The following P2RX5 variants were observed in gnomAD, a reference collection of about 807,000 sequenced individuals.
P2RX5 encodes P2X purinoceptor 5.
In P2RX5, 46 loss-of-function variants were observed where a neutral mutation model predicts 54.1. The ratio of observed to expected loss-of-function variants is 0.85; its 90% CI spans 0.67 to 1.09. The LOEUF (loss-of-function observed/expected upper bound fraction) is 1.09. Ranked by LOEUF, P2RX5 falls within the 50% of genes least tolerant of loss-of-function variation. The pLI, the probability that P2RX5 is intolerant of heterozygous loss-of-function variation, is 0.00. For missense variants in P2RX5, 566 were observed against 549.8 expected (o/e 1.03, Z -0.29); for synonymous variants, 226 against 226.4 (o/e 1.00, Z 0.02).
In P2RX5 at chr17:3,677,098, G is replaced by A. The variant is rs558827737; in HGVS notation, c.1259+2492C>T. 833 of 985,346 alleles carry A rather than the reference G, an allele frequency of 8.5e-4. 1 individual carries two copies. The highest frequency in any genetic ancestry group is 9.6e-4 in the Non-Finnish European group (798 of 829,898). 61.0% of individuals were successfully genotyped at this position (985,346 alleles called of 1,614,324 possible). A position where few individuals can be genotyped will look rare whatever the true frequency, so the allele number is the denominator to read the frequency against. ...TAAATAAAAAGCAAGGCCCTACAGC[G>A]ATGGAGGCAGAGAGCAGCTGAGGGT... On this transcript the variant is annotated intron_variant, in intron 11 of 11. Transcript: ENST00000225328.
At chr17:3,690,187 C>T (rs767968164) in intron 5 of P2RX5, 37 bp from the exon 6 acceptor site, 4 of 1,573,840 alleles carry the variant, frequency 2.5e-6, no homozygotes, top group Non-Finnish European at 8.7e-7. Flanking sequence ...CCAGGAGGCC[C>T]CACCCCTGTG....
At chr17:3,706,965 G>C in the P2RX5 span, among the ~76,000 whole-genome samples, 1 of 152,172 alleles carries the variant, frequency 6.6e-6, no homozygotes, top group Non-Finnish European at 1.5e-5. Flanking sequence ...GCTACCGCAG[G>C]TATCTCAAAA....
At chr17:3,705,682 G>A in the P2RX5 span, among the ~76,000 whole-genome samples, 1 of 152,190 alleles carries the variant, frequency 6.6e-6, no homozygotes, top group Non-Finnish European at 1.5e-5. Flanking sequence ...CTTGTAGAAT[G>A]ATGAACAAAG....
Position 3,673,547 on chromosome 17 carries a change from G to A in P2RX5, c.*321C>T, listed in dbSNP as rs1276096472. ...ACAGGGCACTGCGGTCCTTAGCTGA[G>A]GTGCTCAAGGACTCCGGAAGGAAGT... is the stretch of plus-strand genomic sequence containing the variant. On this transcript the variant is annotated 3_prime_UTR_variant, in exon 12 of 12. Transcript: ENST00000225328. The A allele has an allele frequency of 7.6e-6, 10 of 1,323,924 alleles. No homozygotes were observed. The highest frequency in any genetic ancestry group is 9.7e-6 in the Non-Finnish European group (10 of 1,030,208). The allele number at this position is 1,323,924 out of a possible 1,614,324, so 82.0% of individuals were successfully genotyped here. A position where few individuals can be genotyped will look rare whatever the true frequency, so the allele number is the denominator to read the frequency against.
chr17:3,697,829 C>T (rs1358409665), upstream of P2RX5, among the ~76,000 whole-genome samples: 1 of 152,068 alleles, frequency 6.6e-6, no homozygotes, highest in African/African-American at 2.4e-5. Flanking sequence ...CCAGTCCCAG[C>T]CCAGCCACTT....
intron 11 of P2RX5, chr17:3,675,317 G>A: frequency 1.0e-6 from 1 of 981,260 alleles, no homozygotes. Flanking sequence ...TAGGATTACA[G>A]GCGTGAGCCA....
chr17:3,697,007 C>T (rs114681847), upstream of P2RX5, among the ~76,000 whole-genome samples: 1,903 of 152,178 alleles, frequency 0.013, 23 homozygotes, highest in African/African-American at 0.023. Flanking sequence ...GTGTCTGCTG[C>T]GACTAATGCG....
chr17:3,712,547 G>A, the P2RX5 span, among the ~76,000 whole-genome samples: 2 of 152,196 alleles, frequency 1.3e-5, no homozygotes, highest in African/African-American at 4.8e-5. Flanking sequence ...AAAGAAGTAA[G>A]GGTAGCCAAA....
chr17:3,681,778 G>A (rs2050290320), intron 10 of P2RX5, 118 bp downstream of exon 10: 5 of 749,978 alleles, frequency 6.7e-6, no homozygotes, highest in South Asian at 5.7e-5. Flanking sequence ...TCCTCCCCGG[G>A]CCCTCCAGCC....
Position 3,689,530 on chromosome 17 carries a change from G to T in P2RX5, c.715C>A (p.Arg239Ser). ...CPIFRLGSVI[R>S]WAGSDFQDIA... is the part of the protein sequence containing the mutation. Reference sequence around the variant, plus strand: ...TCCTGGAAGTCGCTCCCGGCCCAGCGGATCACGGAGCCCAGTCGGAAGATG... The same window carrying T: ...TCCTGGAAGTCGCTCCCGGCCCAGCTGATCACGGAGCCCAGTCGGAAGATG... Residue 239 changes from arginine (R) to serine (S), a missense_variant, in exon 7 of 12, where the codon CGC becomes AGC. Physicochemically the swap from Arg to Ser is moderately radical, Grantham distance 110 (BLOSUM62 -1). Transcript: ENST00000225328. 1 of 1,614,186 alleles carries T rather than the reference G, an allele frequency of 6.2e-7. No homozygotes were observed. Among genetic ancestry groups the T allele is most frequent in the Non-Finnish European group, 8.5e-7 (1 of 1,180,028 alleles).
chr17:3,693,851 T>G (rs1165173678), intron 1 of P2RX5, among the ~76,000 whole-genome samples: 1 of 151,632 alleles, frequency 6.6e-6, no homozygotes, highest in Non-Finnish European at 1.5e-5. Flanking sequence ...TTTGAGACAG[T>G]CTTGCTCTGC....
In P2RX5 at chr17:3,679,705, C is replaced by T. The variant is rs1389294954; in HGVS notation, c.1144G>A (p.Gly382Arg). The change falls in exon 11 of 12, where the codon GGG becomes AGG. Residue 382 changes from glycine (G) to arginine (R), a missense_variant. Gly to Arg is a moderately radical substitution (Grantham distance 125). Transcript: ENST00000225328. ...GLSEQLTSGPGLLGMPEQQEL... is the reference protein window; with the variant it reads ...GLSEQLTSGPRLLGMPEQQEL... ...TGCTGCTCCGGCATCCCCAGCAGCCCTGGCCCAGATGTGAGCTGCTCAGAT... is the reference window on the plus strand; with the variant it reads ...TGCTGCTCCGGCATCCCCAGCAGCCTTGGCCCAGATGTGAGCTGCTCAGAT... 2.5e-6 allele frequency: 4 copies of T among 1,612,326 alleles called. No individual in the cohort carries two copies. Among genetic ancestry groups the T allele is most frequent in the Admixed American group, 3.3e-5 (2 of 59,968 alleles).
intron 1 of P2RX5, among the ~76,000 whole-genome samples, chr17:3,693,433 T>C (rs1162302247): frequency 2.0e-5 from 3 of 152,074 alleles, no homozygotes; most frequent in African/African-American, 7.2e-5. Context: ...AGCCAGAAAA[T>C]TCCCAAGAGA....
In P2RX5 at chr17:3,696,091, C is replaced by A; in HGVS notation, c.-86G>T. 1.4e-6 allele frequency: 2 copies of A among 1,423,168 alleles called. No homozygotes were observed. Among genetic ancestry groups the A allele is most frequent in the Non-Finnish European group, 1.9e-6 (2 of 1,076,220 alleles). 88.2% of individuals were successfully genotyped at this position (1,423,168 alleles called of 1,614,324 possible). On this transcript the variant is annotated 5_prime_UTR_variant, in exon 1 of 12. Transcript: ENST00000225328. ...GGTCCCTCGGTCCCTGCGCGCCCGG[C>A]GCCCGCCTCGGCCCGTCTGCGCCCG... is the stretch of plus-strand genomic sequence containing the variant.
the P2RX5 span, among the ~76,000 whole-genome samples, chr17:3,708,739 T>G: frequency 1.3e-5 from 2 of 152,138 alleles, no homozygotes; most frequent in African/African-American, 2.4e-5. Context: ...AAAGATTATG[T>G]TAGCCCAAGA....
At chr17:3,713,400 T>G in the P2RX5 span, among the ~76,000 whole-genome samples, 1 of 152,160 alleles carries the variant, frequency 6.6e-6, no homozygotes, top group Non-Finnish European at 1.5e-5. Flanking sequence ...AGTAAGTCTT[T>G]ATAAATTAAG....
chr17:3,723,200 T>C, the P2RX5 span: 3,523 of 919,568 alleles, frequency 3.8e-3, 15 homozygotes, highest in Non-Finnish European at 5.0e-3. Context: ...GACATGGACA[T>C]GTTATGCAAA....
At position 3,691,807 on chromosome 17, in the gene P2RX5, G is replaced by T. The variant is rs144498633; in HGVS notation, c.138-13C>A. On this transcript the variant is annotated splice_polypyrimidine_tract_variant and intron_variant, in intron 1 of 11. Coordinates refer to ENST00000225328, the MANE Select transcript of P2RX5 (RefSeq NM_002561.4). ...CAGGAACACCCATCTGTGGGAAGGGGGCCGGTACGTGGGCATCAGCCACTC... is the reference window on the plus strand; with the variant it reads ...CAGGAACACCCATCTGTGGGAAGGGTGCCGGTACGTGGGCATCAGCCACTC... 8.5e-4 allele frequency: 1,372 copies of T among 1,614,032 alleles called. 6 individuals carry two copies. In the Middle Eastern group the frequency reaches 0.028, roughly 33 times the overall value.
At chr17:3,719,978 G>A in the P2RX5 span, among the ~76,000 whole-genome samples, 3 of 152,066 alleles carry the variant, frequency 2.0e-5, no homozygotes, top group South Asian at 2.1e-4. Flanking sequence ...CACCTGTCTC[G>A]GCCTCCCAAA....
Sources: allele counts gnomAD v4.1 joint callset (sites outside exome capture counted in the v4.1 genomes callset), GRCh38; gene constraint gnomAD v4.1.1; transcripts MANE v1.5; gene names NCBI Gene and HGNC (gene_info 2026-07-23, HGNC 2026-07-21).